PRKG2: variants seen among roughly 807,000 people sequenced by gnomAD.
The protein encoded by PRKG2 is protein kinase cGMP-dependent 2.
A neutral mutation model predicts 97.2 loss-of-function variants in PRKG2; 33 were observed. The observed-to-expected ratio is 0.34, with a 90% CI of 0.26 to 0.45. The LOEUF (loss-of-function observed/expected upper bound fraction) is 0.45, where lower values mean the gene tolerates loss of function less well. Among genes scored for constraint, PRKG2 ranks in the 20% least tolerant of loss-of-function variants. PRKG2 has a pLI of 1.00. For synonymous variants in PRKG2, 330 were observed against 321.8 expected (o/e 1.03, Z -0.27); for missense variants, 638 against 900.0 (o/e 0.71, Z 3.73).
At chr4:81,194,134 C>T (rs554613095) in intron 2 of PRKG2, among the ~76,000 whole-genome samples, 1 of 152,186 alleles carries the variant, frequency 6.6e-6, no homozygotes, top group African/African-American at 2.4e-5. Flanking sequence ...ATAATTTCCC[C>T]AAAGAGACAC....
At chr4:81,110,727 G>GCA (rs145649671) in intron 14 of PRKG2, 116 bp from the exon 15 acceptor site, 56,014 of 718,004 alleles carry the variant, frequency 0.078, 1,102 homozygotes, top group Middle Eastern at 0.15. Context: ...TTTATACCAT[G>GCA]CACACACACA....
chr4:81,145,815 C>T (rs948806796), intron 9 of PRKG2, among the ~76,000 whole-genome samples: 4 of 152,088 alleles, frequency 2.6e-5, no homozygotes, highest in Admixed American at 6.6e-5. Flanking sequence ...GTACCTAGTA[C>T]ACAGTAGAAT....
At chr4:81,097,664 T>C (rs929836645) in intron 17 of PRKG2, among the ~76,000 whole-genome samples, 2 of 152,202 alleles carry the variant, frequency 1.3e-5, no homozygotes, top group Non-Finnish European at 2.9e-5. Context: ...ATCAGTGATC[T>C]TAGCTGAATC....
chr4:81,097,212 A>G (rs1440557946), intron 17 of PRKG2, among the ~76,000 whole-genome samples: 2 of 152,166 alleles, frequency 1.3e-5, no homozygotes, highest in African/African-American at 2.4e-5. Context: ...TGCAGAATGG[A>G]TGTTAACAGC....
intron 2 of PRKG2, among the ~76,000 whole-genome samples, chr4:81,183,702 G>T (rs190916970): frequency 1.3e-5 from 2 of 152,006 alleles, no homozygotes; most frequent in African/African-American, 2.4e-5. Context: ...CTAGCTCAGC[G>T]GATCCCACCC....
At chr4:81,090,975 T>C (rs1296525749) in intron 18 of PRKG2, among the ~76,000 whole-genome samples, 1 of 152,188 alleles carries the variant, frequency 6.6e-6, no homozygotes, top group Non-Finnish European at 1.5e-5. Context: ...CATTTGACAC[T>C]GCATGCCATA....
chr4:81,148,790 T>A (rs949578306), intron 9 of PRKG2, 94 bp downstream of exon 9: 1 of 1,056,028 alleles, frequency 9.5e-7, no homozygotes, highest in Non-Finnish European at 1.5e-6. Flanking sequence ...TTCCAAGTGG[T>A]GATGAATGAG....
chr4:81,097,090 G>A (rs990300186), intron 17 of PRKG2, among the ~76,000 whole-genome samples: 1 of 152,124 alleles, frequency 6.6e-6, no homozygotes, highest in Admixed American at 6.5e-5. Flanking sequence ...ATTATTCCTT[G>A]AGGTTTAGGC....
chr4:81,097,888 G>T (rs958905782), intron 17 of PRKG2, among the ~76,000 whole-genome samples: 1 of 152,120 alleles, frequency 6.6e-6, no homozygotes, highest in African/African-American at 2.4e-5. Context: ...AAGAAATGTT[G>T]TGTCTGGTTT....
intron 3 of PRKG2, among the ~76,000 whole-genome samples, chr4:81,172,136 A>G (rs182278152): frequency 2.2e-4 from 34 of 152,144 alleles, no homozygotes; most frequent in African/African-American, 7.7e-4. Context: ...TGCATAGTAA[A>G]TGCTGTGTGT....
chr4:81,154,529 G>GCCGC (rs1186061800), intron 6 of PRKG2, among the ~76,000 whole-genome samples: 1 of 141,702 alleles, frequency 7.1e-6, no homozygotes, highest in African/African-American at 3.1e-5. Flanking sequence ...CACACGGCAG[G>GCCGC]GTACTCCAAC....
chr4:81,129,073 C>A (rs1158419744), intron 14 of PRKG2, among the ~76,000 whole-genome samples: 1 of 152,114 alleles, frequency 6.6e-6, no homozygotes, highest in Non-Finnish European at 1.5e-5. Flanking sequence ...TTGTTATTTA[C>A]CCAGTAGTCA....
At chr4:81,147,689 G>A (rs999884083) in intron 9 of PRKG2, among the ~76,000 whole-genome samples, 1 of 152,072 alleles carries the variant, frequency 6.6e-6, no homozygotes, top group African/African-American at 2.4e-5. Context: ...GGACAGGGAC[G>A]GCTCCAACAC....
intron 18 of PRKG2, among the ~76,000 whole-genome samples, chr4:81,090,593 A>G (rs1300960803): frequency 6.6e-6 from 1 of 152,182 alleles, no homozygotes; most frequent in African/African-American, 2.4e-5. Flanking sequence ...TTATTTCACA[A>G]ATAAAATGAT....
intron 2 of PRKG2, among the ~76,000 whole-genome samples, chr4:81,186,405 A>G (rs1434643162): frequency 6.6e-6 from 1 of 152,190 alleles, no homozygotes; most frequent in Non-Finnish European, 1.5e-5. Context: ...GCAGAAATAA[A>G]TAAGTTCTTT....
At chr4:81,105,042 G>A (rs1456945084) in intron 16 of PRKG2, among the ~76,000 whole-genome samples, 2 of 151,866 alleles carry the variant, frequency 1.3e-5, no homozygotes, top group Non-Finnish European at 2.9e-5. Context: ...TCATTATCAC[G>A]ACTAATTTTC....
chr4:81,103,833 C>G (rs1295441892), intron 17 of PRKG2, among the ~76,000 whole-genome samples: 1 of 152,022 alleles, frequency 6.6e-6, no homozygotes, highest in Non-Finnish European at 1.5e-5. Context: ...GAGTTTGAGA[C>G]CAGCCTGGCC....
intron 6 of PRKG2, among the ~76,000 whole-genome samples, chr4:81,159,667 T>G (rs1387248693): frequency 6.6e-6 from 1 of 152,118 alleles, no homozygotes; most frequent in Non-Finnish European, 1.5e-5. Context: ...CACGTATGTT[T>G]ATTGTGGCAC....
At chr4:81,132,682 G>C (rs1187695535) in intron 14 of PRKG2, among the ~76,000 whole-genome samples, 3 of 152,016 alleles carry the variant, frequency 2.0e-5, no homozygotes, top group Non-Finnish European at 4.4e-5. Context: ...TTATCAAGAG[G>C]GTAGTCCAAT....
Sources: gnomAD v4.1 joint callset for allele counts (sites outside exome capture counted in the v4.1 genomes callset) on GRCh38, gnomAD v4.1.1 for gene constraint, MANE v1.5 for transcripts, NCBI Gene and HGNC (gene_info 2026-07-23, HGNC 2026-07-21) for gene names.